The following FARS2 variants were observed in gnomAD, a reference collection of about 807,000 sequenced individuals.
The protein encoded by FARS2 is phenylalanine--tRNA ligase, mitochondrial.
A neutral mutation model predicts 46.4 loss-of-function variants in FARS2; 40 were observed. The ratio of observed to expected loss-of-function variants is 0.86; its 90% CI spans 0.67 to 1.12. The LOEUF (loss-of-function observed/expected upper bound fraction) is 1.12, where lower values mean the gene tolerates loss of function less well. Ranked by LOEUF, FARS2 falls within the 50% of genes most tolerant of loss-of-function variation. FARS2 has a pLI of 0.00. For missense variants in FARS2, 513 were observed against 567.9 expected, an observed-to-expected ratio of 0.90 and a Z score of 0.98; for synonymous variants, 234 against 214.9, an observed-to-expected ratio of 1.09 and a Z score of -0.78.
chr6:5,388,292 T>A (rs577456555), intron 2 of FARS2, among the ~76,000 whole-genome samples: 2 of 152,296 alleles, frequency 1.3e-5, no homozygotes, highest in East Asian at 3.9e-4. Flanking sequence ...AAAAAGTAAA[T>A]ATCAACTGGG....
At chr6:5,722,415 A>AG (rs767520249) in intron 6 of FARS2, among the ~76,000 whole-genome samples, 2 of 152,216 alleles carry the variant, frequency 1.3e-5, no homozygotes, top group Admixed American at 6.5e-5. Context: ...AAAATACATC[A>AG]GGGGTGCTGT....
chr6:5,377,321 G>C (rs1488105978), intron 2 of FARS2, among the ~76,000 whole-genome samples: 2 of 152,202 alleles, frequency 1.3e-5, no homozygotes, highest in African/African-American at 4.8e-5. Flanking sequence ...GGAGTTGCGT[G>C]AGAGACAGGC....
Position 5,718,540 on chromosome 6 carries a change from G to A in FARS2, c.1218-52751G>A, listed in dbSNP as rs118075770. 4.6e-5 allele frequency among the ~76,000 whole-genome samples: 7 copies of A among 152,294 alleles called. No individual in the cohort carries two copies. The East Asian group carries it at 9.6e-4, about 21-fold the overall frequency. On this transcript the variant is annotated intron_variant, in intron 6 of 6. Coordinates refer to ENST00000274680, the MANE Select transcript of FARS2 (RefSeq NM_006567.5). ...AACAGTAAACCGGGTGAAACAGGCT[G>A]TAACTTACATATACACACAAGAGAC...
intron 1 of FARS2, among the ~76,000 whole-genome samples, chr6:5,286,089 A>G (rs1767092873): frequency 6.6e-6 from 1 of 152,086 alleles, no homozygotes; most frequent in African/African-American, 2.4e-5. Context: ...TCTTCTAAAT[A>G]CTTGATTTCC....
chr6:5,298,604 C>T (rs913200065), intron 1 of FARS2, among the ~76,000 whole-genome samples: 3 of 152,170 alleles, frequency 2.0e-5, no homozygotes, highest in Admixed American at 2.0e-4. Flanking sequence ...ATGCTAGAGT[C>T]TCATGTCCAG....
chr6:5,570,811 A>G (rs929149134), intron 5 of FARS2, among the ~76,000 whole-genome samples: 2 of 152,046 alleles, frequency 1.3e-5, no homozygotes, highest in African/African-American at 4.8e-5. Context: ...GGTAATCTGC[A>G]CTGTCACCAC....
At chr6:5,292,537 A>G (rs1173946753) in intron 1 of FARS2, among the ~76,000 whole-genome samples, 1 of 152,172 alleles carries the variant, frequency 6.6e-6, no homozygotes, top group African/African-American at 2.4e-5. Flanking sequence ...AAGGAAGACT[A>G]AAGGATACCT....
upstream of FARS2, among the ~76,000 whole-genome samples, chr6:5,258,546 GAT>G (rs1764787965): frequency 6.6e-6 from 1 of 152,208 alleles, no homozygotes; most frequent in Admixed American, 6.5e-5. Context: ...CAGCTGCAGA[GAT>G]TAGAGAGGAG....
chr6:5,351,903 C>T (rs1344544944), intron 1 of FARS2, among the ~76,000 whole-genome samples: 1 of 152,090 alleles, frequency 6.6e-6, no homozygotes, highest in South Asian at 2.1e-4. Flanking sequence ...CTTGTTCTGC[C>T]GTATTGTGTT....
intron 2 of FARS2, among the ~76,000 whole-genome samples, chr6:5,373,718 G>A (rs1425196672): frequency 6.6e-6 from 1 of 152,078 alleles, no homozygotes; most frequent in African/African-American, 2.4e-5. Context: ...TGCAGTAGCA[G>A]TAGGCCCATG....
At chr6:5,541,379 A>G (rs1770624090) in intron 4 of FARS2, among the ~76,000 whole-genome samples, 1 of 152,182 alleles carries the variant, frequency 6.6e-6, no homozygotes, top group African/African-American at 2.4e-5. Flanking sequence ...ACATAGCTAC[A>G]TGAGTTTTGA....
At chr6:5,313,664 C>G (rs1273201897) in intron 1 of FARS2, among the ~76,000 whole-genome samples, 1 of 151,966 alleles carries the variant, frequency 6.6e-6, no homozygotes, top group East Asian at 1.9e-4. Flanking sequence ...AGGGAACAGC[C>G]TAGGTGGAGC....
rs568164771 is a variant in FARS2 at position 5,711,027 on chromosome 6, C to T, written c.1218-60264C>T. Among the ~76,000 whole-genome samples the T allele has an allele frequency of 1.1e-4, 17 of 152,106 alleles. No homozygotes were observed. The East Asian group carries it at 3.1e-3, about 28-fold the overall frequency. ...AGAAGTGATTGATTCTAGGACTGGG[C>T]CAGGAAATATATAAGCCAATAGTTA... On this transcript the variant is annotated intron_variant, in intron 6 of 6. Transcript: ENST00000274680.
intron 4 of FARS2, among the ~76,000 whole-genome samples, chr6:5,500,158 C>G (rs1252490162): frequency 6.6e-6 from 1 of 152,174 alleles, no homozygotes; most frequent in Non-Finnish European, 1.5e-5. Flanking sequence ...ATCCTGTTCT[C>G]TATTATTTCA....
chr6:5,490,434 T>C (rs971754433), intron 4 of FARS2, among the ~76,000 whole-genome samples: 7 of 152,176 alleles, frequency 4.6e-5, no homozygotes, highest in African/African-American at 1.7e-4. Flanking sequence ...TGAAGGGTCA[T>C]ATAGGGCTGT....
In FARS2 at chr6:5,733,041, G is replaced by A. The variant is rs369406344; in HGVS notation, c.1218-38250G>A. Among the ~76,000 whole-genome samples the A allele has an allele frequency of 1.6e-3, 245 of 152,226 alleles. 2 individuals carry two copies. Among genetic ancestry groups the A allele is most frequent in the African/African-American group, 5.5e-3 (229 of 41,530 alleles). On this transcript the variant is annotated intron_variant, in intron 6 of 6. Transcript: ENST00000274680. The stretch of plus-strand genomic sequence containing the variant: ...CAATGGCCAGACAGGTGAAGTGAGG[G>A]GTTGAGCTTGGATTCCCTTTTCCCA...
chr6:5,376,704 A>C (rs1481449492), intron 2 of FARS2, among the ~76,000 whole-genome samples: 3 of 152,138 alleles, frequency 2.0e-5, no homozygotes, highest in Non-Finnish European at 2.9e-5. Flanking sequence ...GTACTAAACT[A>C]TCATATCTTT....
chr6:5,740,479 A>AAAATG (rs1761261123), intron 6 of FARS2, among the ~76,000 whole-genome samples: 2 of 152,128 alleles, frequency 1.3e-5, no homozygotes, highest in Admixed American at 1.3e-4. Flanking sequence ...GTTCCTAATC[A>AAAATG]AAATGAAGTA....
rs144114162 is a variant in FARS2, at chr6:5,367,865, C to T, written c.-21-685C>T. Among the ~76,000 whole-genome samples, 473 of 152,244 alleles carry T rather than the reference C, an allele frequency of 3.1e-3. 2 individuals are homozygous for T. The highest frequency in any genetic ancestry group is 0.011 in the African/African-American group (453 of 41,552). On this transcript the variant is annotated intron_variant, in intron 1 of 6. Transcript: ENST00000274680. ...AGCTGTCCATTGATATAGTCTATCACTTTGTACAATATTTCCTGAGATTTT... is the reference window on the plus strand; with the variant it reads ...AGCTGTCCATTGATATAGTCTATCATTTTGTACAATATTTCCTGAGATTTT...
Sources: allele counts gnomAD v4.1 joint callset (sites outside exome capture counted in the v4.1 genomes callset), GRCh38; gene constraint gnomAD v4.1.1; transcripts MANE v1.5; gene names NCBI Gene and HGNC (gene_info 2026-07-23, HGNC 2026-07-21).